The following CGNL1 variants were observed in gnomAD, a reference collection of about 807,000 sequenced individuals.
CGNL1 encodes the protein cingulin like 1, also known as cingulin-like protein 1.
Under a neutral mutation model 141.2 loss-of-function variants are expected in CGNL1, and 132 were observed. The ratio of observed to expected loss-of-function variants is 0.93; its 90% CI spans 0.81 to 1.08. The LOEUF is 1.08. CGNL1 is among the 50% of genes least tolerant of loss of function. The probability of loss-of-function intolerance (pLI) is 0.00; values close to 1 mark genes in which losing one functional copy is unlikely to be tolerated. For synonymous variants in CGNL1, 690 were observed against 622.1 expected, an observed-to-expected ratio of 1.11 and a Z score of -1.63; for missense variants, 1,870 against 1,588.6, an observed-to-expected ratio of 1.18 and a Z score of -3.01.
rs2032930335 is a variant in CGNL1 at position 57,547,441 on chromosome 15, CT to C, written c.3861del (p.Val1288Ter). On this transcript the variant is annotated frameshift_variant, in exon 19 of 19. Transcript: ENST00000281282. LOFTEE classifies it high-confidence loss of function. ...STDGGSLYEA[P>X]VSYTFSKDST... ...GATGGGGGAAGCCTCTATGAGGCGC[CT>C]GTGAGCTACACATTCTCCAAGGACA... The C allele has an allele frequency of 6.2e-7, 1 of 1,614,198 alleles. No individual in the cohort carries two copies. The highest frequency in any genetic ancestry group is 8.5e-7 in the Non-Finnish European group (1 of 1,180,020).
chr15:57,510,490 G>A (rs1360143713), intron 8 of CGNL1, among the ~76,000 whole-genome samples: 1 of 152,204 alleles, frequency 6.6e-6, no homozygotes. Flanking sequence ...GTTAGGATGG[G>A]ACATGTGTCT....
chr15:57,453,861 T>C, intron 7 of CGNL1, 43 bp downstream of exon 7: 1 of 1,607,044 alleles, frequency 6.2e-7, no homozygotes. Context: ...AGGCCCCACC[T>C]GCCTGGAAAG....
intron 6 of CGNL1, 126 bp downstream of exon 6, chr15:57,452,415 T>G (rs1312830856): frequency 1.7e-5 from 14 of 813,438 alleles, no homozygotes; most frequent in African/African-American, 3.5e-5. Context: ...CTTTTCCTTT[T>G]CTTCCTCTTA....
chr15:57,457,799 C>T (rs571047226), intron 7 of CGNL1, among the ~76,000 whole-genome samples: 1 of 152,188 alleles, frequency 6.6e-6, no homozygotes, highest in African/African-American at 2.4e-5. Context: ...CCTCCCTCAA[C>T]ATGAGGGAAT....
chr15:57,523,774 C>A, intron 11 of CGNL1, 133 bp downstream of exon 11: 1 of 880,850 alleles, frequency 1.1e-6, no homozygotes, highest in Non-Finnish European at 1.7e-6. Flanking sequence ...ATTTGCAGAT[C>A]CCAAGAGGCA....
At chr15:57,511,650 C>T (rs1451095460) in intron 8 of CGNL1, among the ~76,000 whole-genome samples, 2 of 152,180 alleles carry the variant, frequency 1.3e-5, no homozygotes, top group East Asian at 3.8e-4. Context: ...GATGTGGCTG[C>T]CTCATAGCTG....
At chr15:57,408,727 A>G (rs1440804978) in intron 1 of CGNL1, among the ~76,000 whole-genome samples, 1 of 151,966 alleles carries the variant, frequency 6.6e-6, no homozygotes, top group African/African-American at 2.4e-5. Context: ...CTTTTTATAA[A>G]GAGATACGTT....
At chr15:57,522,499 G>C (rs1280483911) in intron 10 of CGNL1, among the ~76,000 whole-genome samples, 4 of 152,178 alleles carry the variant, frequency 2.6e-5, no homozygotes, top group African/African-American at 7.2e-5. Context: ...GCCCTGAGCT[G>C]TTTCTGTAGT....
intron 8 of CGNL1, among the ~76,000 whole-genome samples, chr15:57,498,579 G>C (rs1197087445): frequency 1.3e-5 from 2 of 152,086 alleles, no homozygotes; most frequent in Non-Finnish European, 2.9e-5. Context: ...GCCAGACACT[G>C]TATTAAGCCT....
Position 57,516,778 on chromosome 15 carries a change from A to C in CGNL1, c.2404-2A>C. ...TGTTCATTTGCTTTGTGTTTTTAAC[A>C]GAATGTCGAGGTCTTGGCGAGCAGG... is the stretch of plus-strand genomic sequence containing the variant. On this transcript the variant is annotated splice_acceptor_variant, in intron 8 of 18. Coordinates refer to ENST00000281282, the MANE Select transcript of CGNL1 (RefSeq NM_032866.5). LOFTEE classifies it high-confidence loss of function. 6.2e-7 allele frequency: 1 copy of C among 1,613,974 alleles called. No homozygotes were observed. The highest frequency in any genetic ancestry group is 8.5e-7 in the Non-Finnish European group (1 of 1,179,918).
chr15:57,498,211 T>C (rs2063969742), intron 8 of CGNL1, among the ~76,000 whole-genome samples: 1 of 151,442 alleles, frequency 6.6e-6, no homozygotes, highest in African/African-American at 2.4e-5. Flanking sequence ...TTTTTTCACA[T>C]CAGTTGCTCA....
intron 6 of CGNL1, 133 bp from the exon 7 acceptor site, chr15:57,453,550 G>C (rs1444381260): frequency 8.6e-7 from 1 of 1,166,676 alleles, no homozygotes; most frequent in Non-Finnish European, 1.2e-6. Flanking sequence ...CCCTTGCTCA[G>C]TGCAGAACAG....
In CGNL1 at chr15:57,438,073, A is replaced by C. The variant is rs1325458217; in HGVS notation, c.74A>C (p.Asp25Ala). 1.2e-6 allele frequency: 2 copies of C among 1,614,108 alleles called. No individual in the cohort carries two copies. Residue 25 changes from aspartate to alanine, a missense_variant, in exon 2 of 19, where the codon GAT (aspartate) becomes GCT (alanine). Coordinates refer to ENST00000281282, the MANE Select transcript of CGNL1 (RefSeq NM_032866.5). The part of the protein sequence containing the change: ...YGVHLRLASD[D>A]TQKSRSSQNS... Reference sequence around the variant, plus strand: ...GTCCATCTGAGACTCGCAAGTGATGATACCCAAAAATCAAGGAGTTCCCAG... The same window carrying C: ...GTCCATCTGAGACTCGCAAGTGATGCTACCCAAAAATCAAGGAGTTCCCAG...
chr15:57,455,173 T>C (rs1004597105), intron 7 of CGNL1, among the ~76,000 whole-genome samples: 2 of 152,230 alleles, frequency 1.3e-5, no homozygotes, highest in African/African-American at 4.8e-5. Context: ...CCTACATTTT[T>C]TTTCCCTTTT....
intron 1 of CGNL1, among the ~76,000 whole-genome samples, chr15:57,379,534 C>G (rs556721798): frequency 6.6e-6 from 1 of 152,244 alleles, no homozygotes; most frequent in East Asian, 1.9e-4. Context: ...TTAATGGCCT[C>G]CTAACTCTCT....
chr15:57,467,568 A>G (rs1449426125), intron 8 of CGNL1, among the ~76,000 whole-genome samples: 1 of 152,132 alleles, frequency 6.6e-6, no homozygotes, highest in Admixed American at 6.6e-5. Context: ...AACTGACTGT[A>G]AAAAACAAAA....
Position 57,489,234 on chromosome 15 carries a change from C to T in CGNL1, c.2403+27342C>T, listed in dbSNP as rs75508248. On this transcript the variant is annotated intron_variant, in intron 8 of 18. Transcript: ENST00000281282. ...TCACTGAATGTAGGAAAGAGATACT[C>T]ATTACATAGTTACTCAAATAACAGG... Among the ~76,000 whole-genome samples, 1,339 of 152,256 alleles carry T rather than the reference C, an allele frequency of 8.8e-3. 19 individuals carry two copies. The highest frequency in any genetic ancestry group is 0.031 in the African/African-American group (1,272 of 41,544).
At chr15:57,396,282 T>G (rs1382040839) in intron 1 of CGNL1, among the ~76,000 whole-genome samples, 1 of 150,012 alleles carries the variant, frequency 6.7e-6, no homozygotes, top group Non-Finnish European at 1.5e-5. Flanking sequence ...TCTTTGTTTT[T>G]TTTTTTTTTT....
chr15:57,480,320 C>T (rs913823111), intron 8 of CGNL1, among the ~76,000 whole-genome samples: 1 of 132,828 alleles, frequency 7.5e-6, no homozygotes, highest in Admixed American at 7.2e-5. Flanking sequence ...GAGTTTGAGA[C>T]CCGCCTGGCC....
Sources: gnomAD v4.1 joint callset for allele counts (sites outside exome capture counted in the v4.1 genomes callset) on GRCh38, gnomAD v4.1.1 for gene constraint, MANE v1.5 for transcripts, NCBI Gene and HGNC (gene_info 2026-07-23, HGNC 2026-07-21) for gene names.